The following UVRAG variants were observed in gnomAD, a reference collection of about 807,000 sequenced individuals.
UVRAG encodes the protein UV radiation resistance-associated gene protein.
UVRAG carries 19 observed loss-of-function variants against 78.0 expected under a neutral mutation model. The ratio of observed to expected loss-of-function variants is 0.24; its 90% CI spans 0.17 to 0.36. The LOEUF is 0.36. UVRAG is among the 10% of genes least tolerant of loss of function. The pLI, the probability that UVRAG is intolerant of heterozygous loss-of-function variation, is 1.00. For missense variants in UVRAG, 740 were observed against 853.8 expected (o/e 0.87, Z 1.66); for synonymous variants, 323 against 324.6 (o/e 1.00, Z 0.05).
Position 75,890,384 on chromosome 11 carries a change from A to G in UVRAG, c.507+1481A>G, listed in dbSNP as rs113560254. Among the ~76,000 whole-genome samples the G allele has an allele frequency of 5.0e-3, 764 of 152,316 alleles. 1 individual carries two copies. Among genetic ancestry groups the G allele is most frequent in the South Asian group, 0.012 (59 of 4,828 alleles). ...AGTAGAATAGAGAGAAGATAGATTT[A>G]AGAAAGTTTTAGTAGATAAAATCAT... On this transcript the variant is annotated intron_variant, in intron 5 of 14. Transcript: ENST00000356136.
At chr11:75,946,302 A>G (rs562222495) in intron 6 of UVRAG, among the ~76,000 whole-genome samples, 5 of 152,316 alleles carry the variant, frequency 3.3e-5, no homozygotes, top group Non-Finnish European at 7.4e-5. Context: ...GAATTAGGCT[A>G]AAGATTTATA....
At chr11:76,118,014 T>C (rs2134471387) in intron 14 of UVRAG, among the ~76,000 whole-genome samples, 1 of 152,362 alleles carries the variant, frequency 6.6e-6, no homozygotes, top group African/African-American at 2.4e-5. Context: ...TTTTCTTGAC[T>C]TGAGTCTTTG....
chr11:76,055,609 G>C (rs2134360048), intron 12 of UVRAG, among the ~76,000 whole-genome samples: 1 of 152,292 alleles, frequency 6.6e-6, no homozygotes, highest in African/African-American at 2.4e-5. Context: ...GATATCAGTA[G>C]ACTTCCCCTC....
intron 12 of UVRAG, among the ~76,000 whole-genome samples, chr11:76,032,582 A>C (rs568071236): frequency 2.6e-5 from 4 of 152,204 alleles, no homozygotes; most frequent in Non-Finnish European, 4.4e-5. Flanking sequence ...CCTGGCTCTG[A>C]ACTGGCATCA....
intron 12 of UVRAG, among the ~76,000 whole-genome samples, chr11:76,034,450 T>C (rs539938995): frequency 6.6e-6 from 1 of 152,284 alleles, no homozygotes; most frequent in African/African-American, 2.4e-5. Context: ...TATCCCGCCT[T>C]GGCCTCCCAA....
chr11:75,964,392 T>C (rs1188364516), intron 7 of UVRAG, among the ~76,000 whole-genome samples: 1 of 152,224 alleles, frequency 6.6e-6, no homozygotes, highest in Non-Finnish European at 1.5e-5. Flanking sequence ...GTGGGAAGGT[T>C]TTTGAACTGG....
intron 1 of UVRAG, among the ~76,000 whole-genome samples, chr11:75,818,737 A>C (rs1228908121): frequency 6.6e-6 from 1 of 152,120 alleles, no homozygotes; most frequent in Non-Finnish European, 1.5e-5. Context: ...TCGGCCTCCC[A>C]AAGTGCTAGA....
rs546826906 is a variant in UVRAG at position 75,834,510 on chromosome 11, A to G, written c.118-17373A>G. Reference sequence around the variant, plus strand: ...CCCTTGCAACTAATAGTCTATAGGGAAACACTTTAAGACCATGCATGGGGC... The same window carrying G: ...CCCTTGCAACTAATAGTCTATAGGGGAACACTTTAAGACCATGCATGGGGC... On this transcript the variant is annotated intron_variant, in intron 1 of 14. Coordinates refer to ENST00000356136, the MANE Select transcript of UVRAG (RefSeq NM_003369.4). Among the ~76,000 whole-genome samples, 34 of 152,252 alleles carry G rather than the reference A, an allele frequency of 2.2e-4. No individual in the cohort carries two copies. The East Asian group carries it at 6.2e-3, about 28-fold the overall frequency.
chr11:75,989,345 G>A lies in UVRAG; in HGVS notation c.826+5832G>A, dbSNP rs73494001. Among the ~76,000 whole-genome samples, 176 of 152,124 alleles carry A rather than the reference G, an allele frequency of 1.2e-3. 1 individual carries two copies. The highest frequency in any genetic ancestry group is 2.9e-3 in the African/African-American group (121 of 41,500). ...ATTACAGGTGTGAGCTACCATGCCC[G>A]GCCACTTCTGGAACTTTCTTTGTGT... is the stretch of plus-strand genomic sequence containing the variant. On this transcript the variant is annotated intron_variant, in intron 8 of 14. Transcript: ENST00000356136.
At chr11:75,889,988 C>T (rs1947180298) in intron 5 of UVRAG, among the ~76,000 whole-genome samples, 1 of 151,962 alleles carries the variant, frequency 6.6e-6, no homozygotes. Flanking sequence ...GGAGTAGGGG[C>T]TGAATAGAGA....
At chr11:75,843,881 C>T (rs895756444) in intron 1 of UVRAG, among the ~76,000 whole-genome samples, 5 of 151,730 alleles carry the variant, frequency 3.3e-5, no homozygotes, top group African/African-American at 1.2e-4. Flanking sequence ...ATCTCTTGAG[C>T]CCAGGAGGCA....
chr11:75,888,054 G>A (rs966170044), intron 4 of UVRAG, among the ~76,000 whole-genome samples: 48 of 152,104 alleles, frequency 3.2e-4, no homozygotes, highest in African/African-American at 1.1e-3. Context: ...AAGACTTTAG[G>A]GATTGGATAC....
intron 14 of UVRAG, among the ~76,000 whole-genome samples, chr11:76,117,477 A>AT (rs1285259680): frequency 6.6e-6 from 1 of 152,214 alleles, no homozygotes; most frequent in Admixed American, 6.5e-5. Context: ...ATCGATTAGT[A>AT]TGACATTTTT....
In UVRAG at chr11:76,143,415, G is replaced by A. The variant is rs566833690; in HGVS notation, c.*2002G>A. ...CACAACCATGAGAGCCTGGACTCTGGGGTCTACCCGTCAGTGCCCCCCACC... is the reference window on the plus strand; with the variant it reads ...CACAACCATGAGAGCCTGGACTCTGAGGTCTACCCGTCAGTGCCCCCCACC... On this transcript the variant is annotated 3_prime_UTR_variant, in exon 15 of 15. Coordinates refer to ENST00000356136, the MANE Select transcript of UVRAG (RefSeq NM_003369.4). Among the ~76,000 whole-genome samples, 32 of 152,304 alleles carry A rather than the reference G, an allele frequency of 2.1e-4. No individual in the cohort carries two copies. Among genetic ancestry groups the A allele is most frequent in the Non-Finnish European group, 3.4e-4 (23 of 68,026 alleles).
At chr11:76,064,159 A>C (rs1951144467) in intron 12 of UVRAG, among the ~76,000 whole-genome samples, 1 of 152,192 alleles carries the variant, frequency 6.6e-6, no homozygotes, top group African/African-American at 2.4e-5. Context: ...TGCTGATCTC[A>C]ATTTACTCTT....
chr11:76,024,178 T>C (rs1950291005), intron 12 of UVRAG, among the ~76,000 whole-genome samples: 1 of 152,174 alleles, frequency 6.6e-6, no homozygotes, highest in African/African-American at 2.4e-5. Context: ...CTTTGCGAGC[T>C]TGCAGGAAGG....
At chr11:75,946,373 A>G (rs1410308543) in intron 6 of UVRAG, among the ~76,000 whole-genome samples, 1 of 152,240 alleles carries the variant, frequency 6.6e-6, no homozygotes, top group Non-Finnish European at 1.5e-5. Flanking sequence ...TCATGAAGAG[A>G]TGGCTGTGAA....
At chr11:76,123,220 C>T (rs182073776) in intron 14 of UVRAG, among the ~76,000 whole-genome samples, 2 of 152,298 alleles carry the variant, frequency 1.3e-5, no homozygotes, top group Admixed American at 1.3e-4. Flanking sequence ...GAGTCAAATC[C>T]AGAGCGCTGG....
chr11:75,879,843 A>T, intron 3 of UVRAG, 36 bp from the exon 4 acceptor site: 1 of 1,600,226 alleles, frequency 6.2e-7, no homozygotes, highest in South Asian at 1.1e-5. Context: ...AAACAAATAG[A>T]GTTGTCCTAA....
Sources: allele counts gnomAD v4.1 joint callset (sites outside exome capture counted in the v4.1 genomes callset), GRCh38; gene constraint gnomAD v4.1.1; transcripts MANE v1.5; gene names NCBI Gene and HGNC (gene_info 2026-07-23, HGNC 2026-07-21).